Variants in NFIB observed in about 807,000 individuals in gnomAD.
NFIB encodes nuclear factor 1 B-type.
NFIB carries 11 observed loss-of-function variants against 61.5 expected under a neutral mutation model. That is an observed-to-expected ratio of 0.18 (90% CI 0.11 to 0.30). The LOEUF (loss-of-function observed/expected upper bound fraction) is 0.30, where lower values mean the gene tolerates loss of function less well. Ranked by LOEUF, NFIB falls within the 10% of genes least tolerant of loss-of-function variation. The pLI is 1.00. For missense variants in NFIB, 471 were observed against 608.9 expected, an observed-to-expected ratio of 0.77 and a Z score of 2.38; for synonymous variants, 260 against 216.5, an observed-to-expected ratio of 1.20 and a Z score of -1.76.
At chr9:14,191,841 T>G (rs906043343) in intron 2 of NFIB, among the ~76,000 whole-genome samples, 2 of 152,256 alleles carry the variant, frequency 1.3e-5, no homozygotes, top group Non-Finnish European at 2.9e-5. Flanking sequence ...GGCTAATGTT[T>G]AATTTTCCAA....
the NFIB span, among the ~76,000 whole-genome samples, chr9:14,503,561 T>C: frequency 1.3e-5 from 2 of 152,264 alleles, no homozygotes; most frequent in Non-Finnish European, 2.9e-5. Flanking sequence ...GGTTTTGATT[T>C]GCATTTCCCT....
intron 1 of NFIB, chr9:14,361,315 C>T (rs1389824649): frequency 6.6e-6 from 1 of 151,326 alleles, no homozygotes; most frequent in African/African-American, 2.4e-5. Flanking sequence ...TAAAAGAGCC[C>T]ATTACTAATG....
chr9:14,402,592 C>A (rs2133056360), upstream of NFIB, among the ~76,000 whole-genome samples: 1 of 152,100 alleles, frequency 6.6e-6, no homozygotes, highest in South Asian at 2.1e-4. Context: ...AAAACATCAG[C>A]CTTAAATTAT....
intron 2 of NFIB, among the ~76,000 whole-genome samples, chr9:14,281,661 CA>C (rs2058376417): frequency 6.6e-6 from 1 of 152,072 alleles, no homozygotes; most frequent in South Asian, 2.1e-4. Flanking sequence ...GTGAACATAC[CA>C]ACTCCATATA....
chr9:14,456,249 C>T, the NFIB span, among the ~76,000 whole-genome samples: 1 of 150,826 alleles, frequency 6.6e-6, no homozygotes, highest in Admixed American at 6.6e-5. Context: ...AAGTGAATAT[C>T]ACTTGGCTTT....
intron 1 of NFIB, among the ~76,000 whole-genome samples, chr9:14,319,631 C>T (rs1046353718): frequency 1.3e-5 from 2 of 152,194 alleles, no homozygotes; most frequent in Non-Finnish European, 2.9e-5. Flanking sequence ...CCCATATACA[C>T]ATGCCTTGTA....
chr9:14,480,371 A>G, the NFIB span, among the ~76,000 whole-genome samples: 8 of 152,182 alleles, frequency 5.3e-5, no homozygotes, highest in Admixed American at 5.2e-4. Context: ...AGATTTGCCA[A>G]TGACATCAGA....
chr9:14,185,567 G>C (rs111494930), intron 2 of NFIB, among the ~76,000 whole-genome samples: 2 of 152,036 alleles, frequency 1.3e-5, no homozygotes, highest in East Asian at 3.9e-4. Flanking sequence ...AATATGACAC[G>C]AAGTCTATTA....
At chr9:14,346,296 C>CT (rs1054874470) in intron 1 of NFIB, among the ~76,000 whole-genome samples, 3 of 142,630 alleles carry the variant, frequency 2.1e-5, no homozygotes, top group Non-Finnish European at 4.8e-5. Flanking sequence ...CGACACCCCC[C>CT]CCCCGTAACC....
At chr9:14,151,689 A>C (rs529269079) in intron 4 of NFIB, among the ~76,000 whole-genome samples, 126 of 152,126 alleles carry the variant, frequency 8.3e-4, no homozygotes, top group Non-Finnish European at 1.5e-3. Flanking sequence ...TGCAGAAGCA[A>C]AATCATAGGT....
intron 6 of NFIB, among the ~76,000 whole-genome samples, chr9:14,145,310 C>T (rs974819603): frequency 6.6e-6 from 1 of 152,208 alleles, no homozygotes; most frequent in African/African-American, 2.4e-5. Flanking sequence ...GTTCCCACCA[C>T]CACCCTCTTC....
intron 2 of NFIB, among the ~76,000 whole-genome samples, chr9:14,295,281 T>C (rs2059357302): frequency 6.6e-6 from 1 of 152,194 alleles, no homozygotes; most frequent in Non-Finnish European, 1.5e-5. Flanking sequence ...TTAAATATGA[T>C]ACTTTCGGAC....
chr9:14,234,777 G>A (rs2053570409), intron 2 of NFIB, among the ~76,000 whole-genome samples: 1 of 148,560 alleles, frequency 6.7e-6, no homozygotes, highest in African/African-American at 2.5e-5. Flanking sequence ...GGTGGTGCTG[G>A]CATTTGTTCG....
At chr9:14,370,924 A>T (rs1302160061) in intron 1 of NFIB, among the ~76,000 whole-genome samples, 1 of 152,086 alleles carries the variant, frequency 6.6e-6, no homozygotes, top group Non-Finnish European at 1.5e-5. Flanking sequence ...GCGAAACCCC[A>T]TCTCTACAAA....
chr9:14,463,038 T>C, the NFIB span, among the ~76,000 whole-genome samples: 2 of 152,148 alleles, frequency 1.3e-5, no homozygotes, highest in African/African-American at 4.8e-5. Context: ...GGGAAGCTTG[T>C]CCATAATAAG....
At chr9:14,285,184 G>A (rs2058629281) in intron 2 of NFIB, among the ~76,000 whole-genome samples, 1 of 152,174 alleles carries the variant, frequency 6.6e-6, no homozygotes, top group South Asian at 2.1e-4. Context: ...GCACAAGGGT[G>A]CAATCTCAGC....
At chr9:14,131,405 GTTAT>G (rs1349915288) in intron 6 of NFIB, among the ~76,000 whole-genome samples, 3 of 152,258 alleles carry the variant, frequency 2.0e-5, no homozygotes, top group South Asian at 2.1e-4. Context: ...GCCTTGATGT[GTTAT>G]TTATTTCACG....
At chr9:14,296,280 A>C (rs1364831060) in intron 2 of NFIB, among the ~76,000 whole-genome samples, 1 of 152,240 alleles carries the variant, frequency 6.6e-6, no homozygotes, top group Non-Finnish European at 1.5e-5. Context: ...ATTTAATCCT[A>C]AAGCAACACA....
At chr9:14,154,892 T>C (rs1410778361) in intron 4 of NFIB, among the ~76,000 whole-genome samples, 1 of 152,184 alleles carries the variant, frequency 6.6e-6, no homozygotes, top group Non-Finnish European at 1.5e-5. Flanking sequence ...TTATCCTCAG[T>C]AACTCGATTA....
Sources: gnomAD v4.1 joint callset for allele counts (sites outside exome capture counted in the v4.1 genomes callset) on GRCh38, gnomAD v4.1.1 for gene constraint, MANE v1.5 for transcripts, NCBI Gene and HGNC (gene_info 2026-07-23, HGNC 2026-07-21) for gene names.